Variants in ENOX2 observed in about 807,000 individuals in gnomAD.
ENOX2 encodes ecto-NOX disulfide-thiol exchanger 2, also known as APK1 antigen.
A neutral mutation model predicts 45.0 loss-of-function variants in ENOX2; 36 were observed. That is an observed-to-expected ratio of 0.80 (90% CI 0.61 to 1.06). ENOX2 has a LOEUF of 1.06. Ranked by LOEUF, ENOX2 falls within the 50% of genes least tolerant of loss-of-function variation. The pLI, the probability that ENOX2 is intolerant of heterozygous loss-of-function variation, is 0.00. For missense variants in ENOX2, 423 were observed against 462.5 expected (o/e 0.91, Z 0.78); for synonymous variants, 174 against 152.3 (o/e 1.14, Z -1.05).
At chrX:130,710,727 C>T (rs966080158) in intron 3 of ENOX2, among the ~76,000 whole-genome samples, 1 of 111,556 alleles carries the variant, frequency 9.0e-6, no homozygotes, top group African/African-American at 3.3e-5. Flanking sequence ...TAGTTTATGC[C>T]GTACCCTACT....
intron 3 of ENOX2, among the ~76,000 whole-genome samples, chrX:130,729,552 T>C (rs924560609): frequency 8.9e-6 from 1 of 112,018 alleles, no homozygotes; most frequent in Non-Finnish European, 1.9e-5. Flanking sequence ...AGTATAATAC[T>C]GTCTCTCCAA....
intron 2 of ENOX2, among the ~76,000 whole-genome samples, chrX:130,821,123 C>G (rs762995509): frequency 1.1e-3 from 120 of 111,314 alleles, no homozygotes; most frequent in African/African-American, 3.7e-3. Flanking sequence ...AAAGAAATGA[C>G]TAATTCTCTG....
At chrX:130,663,057 C>T (rs1272142299) in intron 9 of ENOX2, among the ~76,000 whole-genome samples, 1 of 112,261 alleles carries the variant, frequency 8.9e-6, no homozygotes, top group Non-Finnish European at 1.9e-5. Context: ...GAGTGTCCAG[C>T]TCACTGGTAC....
chrX:130,806,945 T>C (rs2148440657), intron 2 of ENOX2, among the ~76,000 whole-genome samples: 1 of 112,411 alleles, frequency 8.9e-6, no homozygotes, highest in Non-Finnish European at 1.9e-5. Context: ...GGACTCCAAT[T>C]TTAGTGTTCT....
At position 130,697,683 on chromosome X, in the gene ENOX2, G is replaced by A. The variant is rs148559066; in HGVS notation, c.97+5437C>T. ...GGGCTTCTCACAGTACCTTCATACC[G>A]GCAGGCTTCAGTGAATATTTCTTGT... On this transcript the variant is annotated intron_variant, in intron 4 of 14. Transcript: ENST00000394363. 3.8e-4 allele frequency among the ~76,000 whole-genome samples: 43 copies of A among 111,731 alleles called. 1 individual carries two copies. In the East Asian group the frequency reaches 0.011, roughly 30 times the overall value.
intron 2 of ENOX2, among the ~76,000 whole-genome samples, chrX:130,849,745 C>T (rs2078175054): frequency 8.9e-6 from 1 of 112,081 alleles, no homozygotes; most frequent in African/African-American, 3.2e-5. Context: ...GAACAAATCA[C>T]TCAACCTTTT....
intron 2 of ENOX2, among the ~76,000 whole-genome samples, chrX:130,901,476 T>C (rs1362663704): frequency 3.5e-5 from 4 of 112,721 alleles, no homozygotes; most frequent in African/African-American, 1.3e-4. Flanking sequence ...GTGGGTTCAA[T>C]AAATAGCAGT....
intron 3 of ENOX2, among the ~76,000 whole-genome samples, chrX:130,708,471 A>G (rs1450217766): frequency 1.8e-5 from 2 of 112,157 alleles, no homozygotes; most frequent in Admixed American, 1.9e-4. Flanking sequence ...TCTGATGCCA[A>G]TGCTCACAAT....
intron 2 of ENOX2, among the ~76,000 whole-genome samples, chrX:130,889,298 TG>T (rs1484098605): frequency 1.8e-5 from 2 of 111,229 alleles, no homozygotes; most frequent in Non-Finnish European, 3.8e-5. Context: ...AAAAGAAAGG[TG>T]GGGGATAGAG....
intron 2 of ENOX2, among the ~76,000 whole-genome samples, chrX:130,842,854 C>G (rs190395220): frequency 1.8e-5 from 2 of 111,322 alleles, no homozygotes; most frequent in Admixed American, 9.6e-5. Context: ...ATCAGGGACT[C>G]TTAATCTGTA....
rs753411112 is a variant in ENOX2 at position 130,759,577 on chromosome X, C to CAA, written c.-39+23968_-39+23969dup. On this transcript the variant is annotated intron_variant, in intron 3 of 14. Transcript: ENST00000394363. The stretch of plus-strand genomic sequence containing the variant: ...TGGGTGACAGAGCGAGACTATGTAC[C>CAA]AAAAAAAAAAAAAAAAAAAAAAAAA... Among the ~76,000 whole-genome samples, 39 of 19,931 alleles carry CAA rather than the reference C, an allele frequency of 2.0e-3. 2 individuals carry two copies. The highest frequency in any genetic ancestry group is 4.2e-3 in the African/African-American group (24 of 5,656). 17.3% of individuals were successfully genotyped at this position (19,931 alleles called of 115,157 possible).
At chrX:130,732,813 T>C (rs2038769495) in intron 3 of ENOX2, among the ~76,000 whole-genome samples, 1 of 111,369 alleles carries the variant, frequency 9.0e-6, no homozygotes, top group Admixed American at 9.5e-5. Context: ...CTGGAAGAAC[T>C]GGATATCCAC....
At chrX:130,779,796 C>A (rs1250356372) in intron 3 of ENOX2, among the ~76,000 whole-genome samples, 1 of 111,682 alleles carries the variant, frequency 9.0e-6, no homozygotes, top group Non-Finnish European at 1.9e-5. Flanking sequence ...GCCCTTCCAA[C>A]AGGGGAGTTA....
intron 5 of ENOX2, among the ~76,000 whole-genome samples, chrX:130,685,932 T>C (rs1035162945): frequency 8.9e-6 from 1 of 111,937 alleles, no homozygotes; most frequent in Non-Finnish European, 1.9e-5. Context: ...TTTATGGTTC[T>C]ATATATGTGA....
intron 5 of ENOX2, 106 bp from the exon 6 acceptor site, chrX:130,679,854 G>C: frequency 1.7e-6 from 1 of 587,880 alleles, no homozygotes; most frequent in Non-Finnish European, 2.8e-6. Context: ...TTGTCTAAGA[G>C]TGTCAGAAGG....
chrX:130,781,628 G>A (rs1399096587), intron 3 of ENOX2, among the ~76,000 whole-genome samples: 1 of 111,947 alleles, frequency 8.9e-6, no homozygotes, highest in East Asian at 2.8e-4. Flanking sequence ...GGAAAAACTA[G>A]TAGGTGATCA....
chrX:130,899,276 T>C (rs2079107239), intron 2 of ENOX2, among the ~76,000 whole-genome samples: 1 of 112,347 alleles, frequency 8.9e-6, no homozygotes, highest in South Asian at 3.7e-4. Context: ...TCATAGCATT[T>C]GGCACTCTGT....
intron 2 of ENOX2, among the ~76,000 whole-genome samples, chrX:130,855,704 GA>G (rs1287925000): frequency 9.1e-6 from 1 of 109,816 alleles, no homozygotes; most frequent in Non-Finnish European, 1.9e-5. Flanking sequence ...ATCCATAAAA[GA>G]AAAAAAACAA....
intron 2 of ENOX2, among the ~76,000 whole-genome samples, chrX:130,804,957 G>A (rs773446263): frequency 1.8e-5 from 2 of 111,116 alleles, no homozygotes; most frequent in South Asian, 7.6e-4. Context: ...GGGTGTTTGA[G>A]GGGTGATTAG....
Sources: gnomAD v4.1 joint callset for allele counts (sites outside exome capture counted in the v4.1 genomes callset) on GRCh38, gnomAD v4.1.1 for gene constraint, MANE v1.5 for transcripts, NCBI Gene and HGNC (gene_info 2026-07-23, HGNC 2026-07-21) for gene names.